The following CNTN5 variants were observed in gnomAD, a reference collection of about 807,000 sequenced individuals.
CNTN5 encodes contactin-5.
Under a neutral mutation model 129.1 loss-of-function variants are expected in CNTN5, and 77 were observed. That is an observed-to-expected ratio of 0.60 (90% CI 0.50 to 0.72). The LOEUF (loss-of-function observed/expected upper bound fraction) is 0.72, where lower values mean the gene tolerates loss of function less well. CNTN5 is among the 30% of genes least tolerant of loss of function. The pLI is 0.00. For missense variants in CNTN5, 1,478 were observed against 1,328.8 expected (o/e 1.11, Z -1.75); for synonymous variants, 509 against 465.6 (o/e 1.09, Z -1.20).
intron 3 of CNTN5, among the ~76,000 whole-genome samples, chr11:99,591,424 G>A (rs1047159309): frequency 2.2e-5 from 3 of 138,870 alleles, no homozygotes; most frequent in African/African-American, 8.1e-5. Context: ...TGAAACCTCT[G>A]CCTCCTGGGT....
chr11:100,292,524 A>T (rs480030), intron 18 of CNTN5, among the ~76,000 whole-genome samples: 10,288 of 152,034 alleles, frequency 0.068, 471 homozygotes, highest in African/African-American at 0.14. Flanking sequence ...AAATTGAGGT[A>T]TTCTAGAAAA....
At chr11:99,687,744 C>T (rs752851438) in intron 3 of CNTN5, among the ~76,000 whole-genome samples, 19 of 152,144 alleles carry the variant, frequency 1.2e-4, no homozygotes, top group Non-Finnish European at 2.6e-4. Flanking sequence ...TGTACCTGTA[C>T]ATTTCTCCTA....
intron 1 of CNTN5, among the ~76,000 whole-genome samples, chr11:99,165,371 T>G (rs1435542678): frequency 6.6e-6 from 1 of 152,168 alleles, no homozygotes. Context: ...GTAATATTAT[T>G]ATTTAGGAAG....
intron 2 of CNTN5, among the ~76,000 whole-genome samples, chr11:99,385,769 G>A (rs11219721): frequency 0.22 from 33,736 of 152,000 alleles, 4,679 homozygotes; most frequent in Middle Eastern, 0.32. Context: ...CAAGGATGTC[G>A]TCAGAGATCC....
In CNTN5 at chr11:99,141,245, T is replaced by C. The variant is rs1321488584; in HGVS notation, c.-210+119975T>C. Among the ~76,000 whole-genome samples, 3 of 152,276 alleles carry C rather than the reference T, an allele frequency of 2.0e-5. No homozygotes were observed. In the East Asian group the frequency reaches 5.8e-4, roughly 29 times the overall value. On this transcript the variant is annotated intron_variant, in intron 1 of 24. Coordinates refer to ENST00000524871, the MANE Select transcript of CNTN5 (RefSeq NM_014361.4). The stretch of plus-strand genomic sequence containing the variant: ...TTGGGAAGTTATGTATTTTCAGGAA[T>C]TTACCCATTTCTTCTTGGATTTCTA...
At chr11:99,685,681 GTGAATAAT>G (rs1429766515) in intron 3 of CNTN5, among the ~76,000 whole-genome samples, 1 of 151,920 alleles carries the variant, frequency 6.6e-6, no homozygotes, top group African/African-American at 2.4e-5. Flanking sequence ...TGTTCACATG[GTGAATAAT>G]TTCATCTTTG....
intron 13 of CNTN5, among the ~76,000 whole-genome samples, chr11:100,187,605 C>G (rs1268987565): frequency 6.6e-6 from 1 of 151,906 alleles, no homozygotes; most frequent in African/African-American, 2.4e-5. Flanking sequence ...ACACATAGAC[C>G]AATGGGACTG....
At chr11:99,638,544 G>A (rs1438762336) in intron 3 of CNTN5, among the ~76,000 whole-genome samples, 2 of 152,168 alleles carry the variant, frequency 1.3e-5, no homozygotes, top group African/African-American at 2.4e-5. Flanking sequence ...CTATGAGCCT[G>A]TAAAATCAAA....
chr11:99,580,063 C>T (rs199979281), intron 3 of CNTN5, among the ~76,000 whole-genome samples: 80 of 152,088 alleles, frequency 5.3e-4, no homozygotes, highest in South Asian at 3.1e-3. Flanking sequence ...TTGTCAAAGG[C>T]CTTTTCTGTA....
intron 1 of CNTN5, among the ~76,000 whole-genome samples, chr11:99,138,420 A>T (rs1023298819): frequency 4.1e-4 from 63 of 152,316 alleles, no homozygotes; most frequent in African/African-American, 1.3e-3. Context: ...AGTGATTTTT[A>T]AAAATGGTAT....
intron 7 of CNTN5, among the ~76,000 whole-genome samples, chr11:99,927,547 A>G (rs1256766697): frequency 2.6e-5 from 4 of 152,138 alleles, no homozygotes; most frequent in Non-Finnish European, 4.4e-5. Context: ...AAGCAAATAC[A>G]TCCTTTTTCA....
chr11:99,330,465 G>A (rs2136024240), intron 2 of CNTN5, among the ~76,000 whole-genome samples: 1 of 152,234 alleles, frequency 6.6e-6, no homozygotes, highest in African/African-American at 2.4e-5. Context: ...TGGAAATAAT[G>A]ATTGCGTAGT....
chr11:99,421,666 ATAT>A (rs1250497086), intron 2 of CNTN5, among the ~76,000 whole-genome samples: 1 of 152,172 alleles, frequency 6.6e-6, no homozygotes, highest in African/African-American at 2.4e-5. Flanking sequence ...ATGTTTCAAA[ATAT>A]TATGAGCTTT....
chr11:99,833,081 G>A (rs1039923021), intron 4 of CNTN5, among the ~76,000 whole-genome samples: 1 of 152,132 alleles, frequency 6.6e-6, no homozygotes, highest in Non-Finnish European at 1.5e-5. Context: ...TAAAACAATC[G>A]AAACAGTGAT....
chr11:99,627,194 C>T (rs965534660), intron 3 of CNTN5, among the ~76,000 whole-genome samples: 2 of 152,078 alleles, frequency 1.3e-5, no homozygotes, highest in African/African-American at 4.8e-5. Context: ...TGTCACTGAC[C>T]ATGTGAATGA....
intron 3 of CNTN5, among the ~76,000 whole-genome samples, chr11:99,624,012 T>G (rs966498563): frequency 6.6e-6 from 1 of 152,114 alleles, no homozygotes; most frequent in African/African-American, 2.4e-5. Flanking sequence ...AAAGATAAAA[T>G]TGTATCTCAA....
chr11:99,294,499 G>T (rs965926602), intron 1 of CNTN5, among the ~76,000 whole-genome samples: 3 of 152,058 alleles, frequency 2.0e-5, no homozygotes, highest in African/African-American at 7.2e-5. Flanking sequence ...GTAATATACT[G>T]ATCACAGAAT....
intron 6 of CNTN5, among the ~76,000 whole-genome samples, chr11:99,880,713 A>G (rs1948749864): frequency 6.6e-6 from 1 of 152,198 alleles, no homozygotes. Flanking sequence ...GCCTTGACAA[A>G]AAATAATTTG....
At chr11:100,030,762 G>A (rs767870982) in intron 9 of CNTN5, among the ~76,000 whole-genome samples, 1 of 152,152 alleles carries the variant, frequency 6.6e-6, no homozygotes, top group Non-Finnish European at 1.5e-5. Context: ...AAAAGATAAA[G>A]CATACTTCTT....
Sources: gnomAD v4.1 joint callset for allele counts (sites outside exome capture counted in the v4.1 genomes callset) on GRCh38, gnomAD v4.1.1 for gene constraint, MANE v1.5 for transcripts, NCBI Gene and HGNC (gene_info 2026-07-23, HGNC 2026-07-21) for gene names.